Variants in CCDC141 observed in about 807,000 individuals in gnomAD.
The protein encoded by CCDC141 is coiled-coil domain-containing protein 141.
CCDC141 carries 168 observed loss-of-function variants against 181.0 expected under a neutral mutation model. The observed-to-expected ratio is 0.93, with a 90% CI of 0.82 to 1.05. The LOEUF is 1.05. Ranked by LOEUF, CCDC141 falls within the 50% of genes least tolerant of loss-of-function variation. The probability of loss-of-function intolerance (pLI) is 0.00; values close to 1 mark genes in which losing one functional copy is unlikely to be tolerated. For missense variants in CCDC141, 1,902 were observed against 1,788.5 expected (o/e 1.06, Z -1.14); for synonymous variants, 666 against 642.3 (o/e 1.04, Z -0.56).
Position 178,837,613 on chromosome 2 carries a change from T to C in CCDC141, c.3606A>G (p.Ser1202=), listed in dbSNP as rs1177629918. 2 of 1,613,936 alleles carry C rather than the reference T, an allele frequency of 1.2e-6. No individual in the cohort carries two copies. The highest frequency in any genetic ancestry group is 2.2e-5 in the East Asian group (1 of 44,866). The change falls in exon 23 of 24, where the codon TCA becomes TCG. Residue 1202 remains serine (S), a synonymous_variant. Coordinates refer to ENST00000443758, the MANE Select transcript of CCDC141 (RefSeq NM_173648.4). ...GTGAGACACACTCATATTCTTCCCC[T>C]GAGAGCATGTCTTCAGGCAGGAGCA... is the stretch of plus-strand genomic sequence containing the variant. ...QDLLLPEDML[S]GEEYECVSPD...
At chr2:178,899,101 C>G (rs1471926534) in intron 8 of CCDC141, among the ~76,000 whole-genome samples, 7 of 152,088 alleles carry the variant, frequency 4.6e-5, no homozygotes, top group Non-Finnish European at 1.0e-4. Context: ...GATTATAATG[C>G]TCTATTTTTA....
chr2:178,991,577 G>C (rs7604578), intron 2 of CCDC141, among the ~76,000 whole-genome samples: 52,140 of 151,842 alleles, frequency 0.34, 9,787 homozygotes, highest in East Asian at 0.67. Context: ...TTGGCTAATG[G>C]GTACAAAAAT....
At chr2:178,825,045 T>C (rs922286211), downstream of CCDC141, among the ~76,000 whole-genome samples, 3 of 152,200 alleles carry the variant, frequency 2.0e-5, no homozygotes, top group Admixed American at 1.3e-4. Context: ...AAATGTTTAA[T>C]GTAAATGAAG....
intron 15 of CCDC141, 82 bp downstream of exon 15, chr2:178,869,035 C>T (rs1685987561): frequency 9.8e-7 from 1 of 1,024,348 alleles, no homozygotes; most frequent in Non-Finnish European, 1.3e-6. Flanking sequence ...CACAATTTGG[C>T]CTTTATTTAT....
intron 2 of CCDC141, among the ~76,000 whole-genome samples, chr2:178,995,034 T>A (rs778335179): frequency 1.3e-5 from 2 of 152,192 alleles, no homozygotes; most frequent in Admixed American, 6.5e-5. Context: ...TCCCACATTT[T>A]CCTGTCTTCT....
intron 12 of CCDC141, chr2:178,874,759 C>T (rs1686282138): frequency 6.6e-6 from 1 of 152,200 alleles, no homozygotes. Flanking sequence ...TCTGTGCAGA[C>T]AGGAAGCTGA....
intron 2 of CCDC141, among the ~76,000 whole-genome samples, chr2:178,987,424 T>C (rs1343170612): frequency 3.3e-5 from 5 of 152,004 alleles, no homozygotes; most frequent in Admixed American, 3.3e-4. Context: ...ACTTCATGTC[T>C]AAAACACCAA....
At position 178,853,449 on chromosome 2, in the gene CCDC141, T is replaced by G. The variant is rs746973009; in HGVS notation, c.3236A>C (p.His1079Pro). The G allele has an allele frequency of 6.2e-7, 1 of 1,614,018 alleles. No homozygotes were observed. The highest frequency in any genetic ancestry group is 1.1e-5 in the South Asian group (1 of 91,068). Residue 1079 changes from histidine to proline, a missense_variant, in exon 20 of 24, where the codon CAC becomes CCC. Physicochemically the swap from His to Pro is moderately conservative, Grantham distance 77. Coordinates refer to ENST00000443758, the MANE Select transcript of CCDC141 (RefSeq NM_173648.4). ...CTTAAAAGAGATCTCACCATATAAG[T>G]GCTGAGCAAGGTCAGTGGCCTCCTG... ...RIQEATDLAQ[H>P]LYGLEEGQKY... is the part of the protein sequence containing the mutation.
At chr2:178,980,116 T>A (rs564400266) in intron 2 of CCDC141, among the ~76,000 whole-genome samples, 31 of 152,104 alleles carry the variant, frequency 2.0e-4, no homozygotes, top group Non-Finnish European at 4.0e-4. Flanking sequence ...AAAAACCCAA[T>A]GAAATATTAA....
At chr2:179,022,563 C>T (rs2042719993) in intron 2 of CCDC141, among the ~76,000 whole-genome samples, 1 of 152,152 alleles carries the variant, frequency 6.6e-6, no homozygotes, top group Non-Finnish European at 1.5e-5. Context: ...CCCCATGAAA[C>T]CACTCCAGCT....
chr2:178,868,478 A>T (rs1685953174), intron 15 of CCDC141, among the ~76,000 whole-genome samples: 1 of 152,038 alleles, frequency 6.6e-6, no homozygotes. Flanking sequence ...CTCTGAGTAA[A>T]TTTAGAGGCT....
chr2:178,900,364 G>A (rs1272140326), intron 8 of CCDC141, among the ~76,000 whole-genome samples: 1 of 152,082 alleles, frequency 6.6e-6, no homozygotes, highest in East Asian at 1.9e-4. Context: ...GTATGGATAA[G>A]GAAACTAAGA....
chr2:178,975,125 T>C lies in CCDC141; in HGVS notation c.458A>G (p.Asn153Ser). 6.6e-7 allele frequency: 1 copy of C among 1,519,064 alleles called. No homozygotes were observed. 94.1% of individuals were successfully genotyped at this position (1,519,064 alleles called of 1,614,324 possible). Residue 153 changes from asparagine to serine, a missense_variant, in exon 4 of 24, where the codon AAT (asparagine) becomes AGT (serine). Coordinates refer to ENST00000443758, the MANE Select transcript of CCDC141 (RefSeq NM_173648.4). The part of the protein sequence containing the change: ...KIDQAEDFLQ[N>S]THEFESAESL... ...CTCAGCACTCTCAAACTCATGAGTA[T>C]TCTGGAGGAAATCTTCAGCTTGGTC...
At chr2:178,865,718 T>G in intron 17 of CCDC141, 49 bp downstream of exon 17, 1 of 1,411,046 alleles carries the variant, frequency 7.1e-7, no homozygotes, top group Non-Finnish European at 9.3e-7. Flanking sequence ...TGCTTTAGGT[T>G]CAAACAGCTT....
intron 5 of CCDC141, among the ~76,000 whole-genome samples, chr2:178,950,026 A>C (rs771808041): frequency 1.3e-5 from 2 of 152,220 alleles, no homozygotes; most frequent in African/African-American, 2.4e-5. Flanking sequence ...GTGAGCTAGC[A>C]ATAAGCAATT....
chr2:178,880,047 G>A (rs111363020), intron 11 of CCDC141, among the ~76,000 whole-genome samples: 3 of 152,226 alleles, frequency 2.0e-5, no homozygotes, highest in African/African-American at 7.2e-5. Context: ...TAGATGAGTC[G>A]GAATCAGCAT....
chr2:178,964,526 C>T (rs964545918), intron 4 of CCDC141, among the ~76,000 whole-genome samples: 4 of 152,118 alleles, frequency 2.6e-5, no homozygotes, highest in Admixed American at 6.5e-5. Context: ...ATAACAACTA[C>T]CACAGTATTG....
intron 17 of CCDC141, among the ~76,000 whole-genome samples, chr2:178,856,651 C>T (rs1460270434): frequency 3.3e-5 from 5 of 151,962 alleles, no homozygotes; most frequent in East Asian, 1.9e-4. Flanking sequence ...TGCATTGGCA[C>T]GATCTTGACT....
intron 2 of CCDC141, among the ~76,000 whole-genome samples, chr2:179,033,819 T>C (rs1266581451): frequency 6.6e-6 from 1 of 152,224 alleles, no homozygotes; most frequent in Non-Finnish European, 1.5e-5. Context: ...AAATGCTAGC[T>C]ATGATCCTGG....
Sources: allele counts gnomAD v4.1 joint callset (sites outside exome capture counted in the v4.1 genomes callset), GRCh38; gene constraint gnomAD v4.1.1; transcripts MANE v1.5; gene names NCBI Gene and HGNC (gene_info 2026-07-23, HGNC 2026-07-21).